The following FSTL4 variants were observed in gnomAD, a reference collection of about 807,000 sequenced individuals.
FSTL4 encodes follistatin like 4.
A neutral mutation model predicts 78.2 loss-of-function variants in FSTL4; 28 were observed. That is an observed-to-expected ratio of 0.36 (90% confidence interval 0.27 to 0.49). FSTL4 has a LOEUF of 0.49. Among genes scored for constraint, FSTL4 ranks in the 20% least tolerant of loss-of-function variants. The pLI, the probability that FSTL4 is intolerant of heterozygous loss-of-function variation, is 0.98. For synonymous variants in FSTL4, 422 were observed against 440.5 expected (o/e 0.96, Z 0.53); for missense variants, 922 against 1,084.9 (o/e 0.85, Z 2.11).
intron 11 of FSTL4, chr5:133,223,939 A>T: frequency 2.3e-6 from 1 of 439,564 alleles, no homozygotes; most frequent in Non-Finnish European, 4.1e-6. Context: ...AACCCTTACC[A>T]ACTGTTCTGC....
the FSTL4 span, among the ~76,000 whole-genome samples, chr5:133,647,364 A>T: frequency 6.6e-6 from 1 of 152,204 alleles, no homozygotes; most frequent in Non-Finnish European, 1.5e-5. Flanking sequence ...ACATAGGATT[A>T]TGAGAAAGTG....
chr5:133,354,165 T>G (rs1754892266), intron 4 of FSTL4, among the ~76,000 whole-genome samples: 1 of 149,536 alleles, frequency 6.7e-6, no homozygotes, highest in Non-Finnish European at 1.5e-5. Flanking sequence ...GATGGAGAGA[T>G]AGCCGCCAAA....
chr5:133,603,767 G>T, intron 2 of FSTL4, 91 bp downstream of exon 2: 1 of 1,395,774 alleles, frequency 7.2e-7, no homozygotes, highest in Non-Finnish European at 1.0e-6. Flanking sequence ...TGATCTAACT[G>T]ATCTAAACTA....
chr5:133,452,501 A>G (rs1757404620), intron 3 of FSTL4, among the ~76,000 whole-genome samples: 1 of 152,252 alleles, frequency 6.6e-6, no homozygotes, highest in Admixed American at 6.5e-5. Context: ...TTCCTCCAGA[A>G]ACACCACCAC....
intron 3 of FSTL4, among the ~76,000 whole-genome samples, chr5:133,503,996 G>A (rs1416044903): frequency 1.3e-5 from 2 of 152,278 alleles, no homozygotes; most frequent in African/African-American, 4.8e-5. Context: ...AATGAGAGCC[G>A]AGCAAAGGGG....
At chr5:133,628,329 A>AT in the FSTL4 span, among the ~76,000 whole-genome samples, 7 of 151,138 alleles carry the variant, frequency 4.6e-5, no homozygotes, top group South Asian at 2.1e-4. Context: ...TCAGGAGCTG[A>AT]TTTTTTTTGT....
At chr5:133,209,527 T>A (rs1043961582) in intron 14 of FSTL4, among the ~76,000 whole-genome samples, 2 of 152,154 alleles carry the variant, frequency 1.3e-5, no homozygotes, top group African/African-American at 4.8e-5. Flanking sequence ...TCAAATCACT[T>A]TACAGGGCTC....
At chr5:133,833,351 AT>A in the FSTL4 span, among the ~76,000 whole-genome samples, 2 of 152,228 alleles carry the variant, frequency 1.3e-5, no homozygotes, top group Admixed American at 6.5e-5. Context: ...TTAAGAAATG[AT>A]TTTTTTGAAA....
Position 133,199,616 on chromosome 5 carries a change from G to C in FSTL4, c.2008C>G (p.Arg670Gly), listed in dbSNP as rs770848990. Residue 670 changes from arginine (R) to glycine (G), a missense_variant, in exon 16 of 16, where the codon CGA becomes GGA. Transcript: ENST00000265342. This position sits in a 1 kb window ranked among gnomAD's most constrained non-coding sequence, Gnocchi z 4.4. The part of the protein sequence containing the change: ...CRQDSPASAA[R>G]QLLVDSVTDS... Reference sequence around the variant, plus strand: ...GTGACACTGTCAACGAGCAGCTGTCGGGCAGCAGAGGCGGGGCTGTCCTGT... The same window carrying C: ...GTGACACTGTCAACGAGCAGCTGTCCGGCAGCAGAGGCGGGGCTGTCCTGT... 1 of 1,614,164 alleles carries C rather than the reference G, an allele frequency of 6.2e-7. No individual in the cohort carries two copies. The highest frequency in any genetic ancestry group is 8.5e-7 in the Non-Finnish European group (1 of 1,180,022).
At chr5:133,740,933 CTGGA>C in the FSTL4 span, among the ~76,000 whole-genome samples, 53,571 of 148,762 alleles carry the variant, frequency 0.36, 10,038 homozygotes, top group South Asian at 0.51. Flanking sequence ...AAGTCAGCCT[CTGGA>C]TGGATGGATG....
chr5:133,408,654 T>A (rs539249653), intron 3 of FSTL4, among the ~76,000 whole-genome samples: 19 of 152,264 alleles, frequency 1.2e-4, no homozygotes, highest in African/African-American at 4.3e-4. Flanking sequence ...GGGTCTCAAG[T>A]AACACAGTAA....
At chr5:133,435,134 T>A (rs1395821778) in intron 3 of FSTL4, among the ~76,000 whole-genome samples, 1 of 152,242 alleles carries the variant, frequency 6.6e-6, no homozygotes, top group Non-Finnish European at 1.5e-5. Context: ...CTTCCTTTTT[T>A]ATGTGGTTTA....
chr5:133,651,061 A>C, the FSTL4 span, among the ~76,000 whole-genome samples: 1 of 152,234 alleles, frequency 6.6e-6, no homozygotes, highest in African/African-American at 2.4e-5. Context: ...CAGAAAAGCA[A>C]TCGACACTTG....
chr5:133,291,542 GA>G (rs1753263288), intron 6 of FSTL4, among the ~76,000 whole-genome samples: 1 of 152,212 alleles, frequency 6.6e-6, no homozygotes, highest in Admixed American at 6.5e-5. Context: ...TCTCTACCAA[GA>G]AAGTGTAAGG....
At chr5:133,433,512 C>A (rs1355672745) in intron 3 of FSTL4, among the ~76,000 whole-genome samples, 2 of 152,142 alleles carry the variant, frequency 1.3e-5, no homozygotes, top group Admixed American at 6.5e-5. Context: ...CTATTTCATT[C>A]ATGTGGCAAG....
In FSTL4 at chr5:133,215,489, C is replaced by A. The variant is rs369625145; in HGVS notation, c.1608+1740G>T. ...CAGTATTTTAAACTTAAATCACCCC[C>A]CAATCTGCTCCCTGCCTTGCCCGAA... On this transcript the variant is annotated intron_variant, in intron 13 of 15. Coordinates refer to ENST00000265342, the MANE Select transcript of FSTL4 (RefSeq NM_015082.2). Among the ~76,000 whole-genome samples, 74 of 152,218 alleles carry A rather than the reference C, an allele frequency of 4.9e-4. 1 individual carries two copies. The highest frequency in any genetic ancestry group is 1.8e-3 in the African/African-American group (74 of 41,542).
At chr5:133,765,568 T>A in the FSTL4 span, among the ~76,000 whole-genome samples, 1 of 152,190 alleles carries the variant, frequency 6.6e-6, no homozygotes, top group African/African-American at 2.4e-5. Context: ...GCCCAGGGGA[T>A]CAGCAATGGA....
rs1759571122 is a variant in FSTL4, at chr5:133,546,302, T to C, written c.160+20884A>G. ...TGGGTGGATTACCTCAGGTCAGGAGTTCGAGACCAGCCTGGCCACACGGTG... is the reference window on the plus strand; with the variant it reads ...TGGGTGGATTACCTCAGGTCAGGAGCTCGAGACCAGCCTGGCCACACGGTG... On this transcript the variant is annotated intron_variant, in intron 3 of 15. Transcript: ENST00000265342. 4.6e-5 allele frequency among the ~76,000 whole-genome samples: 7 copies of C among 151,616 alleles called. No individual in the cohort carries two copies. The South Asian group carries it at 1.5e-3, about 32-fold the overall frequency.
At chr5:133,791,966 T>C in the FSTL4 span, among the ~76,000 whole-genome samples, 1 of 152,226 alleles carries the variant, frequency 6.6e-6, no homozygotes, top group African/African-American at 2.4e-5. Flanking sequence ...TCCAGAAAGA[T>C]TTAGGAGTGA....
Sources: allele counts gnomAD v4.1 joint callset (sites outside exome capture counted in the v4.1 genomes callset), GRCh38; gene constraint gnomAD v4.1.1; non-coding constraint Gnocchi (gnomAD v3.1); transcripts MANE v1.5; gene names NCBI Gene and HGNC (gene_info 2026-07-23, HGNC 2026-07-21).